The following JARID2 variants were observed in gnomAD, a reference collection of about 807,000 sequenced individuals.
JARID2 encodes jumonji and AT-rich interaction domain containing 2.
JARID2 carries 21 observed loss-of-function variants against 125.6 expected under a neutral mutation model. The ratio of observed to expected loss-of-function variants is 0.17; its 90% CI spans 0.12 to 0.24. The LOEUF (loss-of-function observed/expected upper bound fraction) is 0.24, where lower values mean the gene tolerates loss of function less well. Among genes scored for constraint, JARID2 ranks in the 10% least tolerant of loss-of-function variants. The pLI is 1.00. For synonymous variants in JARID2, 736 were observed against 661.6 expected (o/e 1.11, Z -1.73); for missense variants, 1,303 against 1,639.6 (o/e 0.79, Z 3.55).
intron 3 of JARID2, among the ~76,000 whole-genome samples, chr6:15,412,311 T>A (rs1765911823): frequency 6.6e-6 from 1 of 152,074 alleles, no homozygotes; most frequent in Non-Finnish European, 1.5e-5. Flanking sequence ...ATTTCTTTTT[T>A]TGGGGGGGTT....
intron 3 of JARID2, among the ~76,000 whole-genome samples, chr6:15,428,425 G>A (rs1470835097): frequency 2.0e-5 from 3 of 151,736 alleles, no homozygotes; most frequent in Admixed American, 6.6e-5. Context: ...CCACCCTCCC[G>A]CCACCCCACA....
chr6:15,270,105 C>T (rs1388340781), intron 1 of JARID2, among the ~76,000 whole-genome samples: 1 of 152,156 alleles, frequency 6.6e-6, no homozygotes, highest in Non-Finnish European at 1.5e-5. Flanking sequence ...TCGATCCTTC[C>T]TTCCTTCCTT....
At chr6:15,465,421 A>G (rs1768671384) in intron 4 of JARID2, among the ~76,000 whole-genome samples, 1 of 152,310 alleles carries the variant, frequency 6.6e-6, no homozygotes, top group East Asian at 1.9e-4. Context: ...ACTGCATTCC[A>G]GCCTGGGCGA....
At chr6:15,471,277 T>A (rs1189035123) in intron 5 of JARID2, among the ~76,000 whole-genome samples, 1 of 152,246 alleles carries the variant, frequency 6.6e-6, no homozygotes, top group Admixed American at 6.5e-5. Context: ...GAGCTGCTGC[T>A]TGAAGCCTCC....
At chr6:15,471,795 A>C (rs1373880754) in intron 5 of JARID2, among the ~76,000 whole-genome samples, 2 of 152,074 alleles carry the variant, frequency 1.3e-5, no homozygotes, top group African/African-American at 4.8e-5. Context: ...AAAGAAGGGG[A>C]TGGAATGAGG....
intron 1 of JARID2, among the ~76,000 whole-genome samples, chr6:15,372,746 GTCTCCCAGGCTGGAGTGAAGTGGCACGA>G (rs1764220262): frequency 6.6e-6 from 1 of 151,228 alleles, no homozygotes; most frequent in Admixed American, 6.6e-5. Context: ...GTCTCACTCT[GTCTCCCAGGCTGGAGTGAAGTGGCACGA>G]TCTCAGCTCA....
chr6:15,304,303 T>TC lies in JARID2; in HGVS notation c.45+57734dup, dbSNP rs61333394. On this transcript the variant is annotated intron_variant, in intron 1 of 17. Coordinates refer to ENST00000341776, the MANE Select transcript of JARID2 (RefSeq NM_004973.4). Reference sequence around the variant, plus strand: ...GTAGAGAATGGACATAATTTGCTGATCCCCCCCCCCCCCCCGCCCACCCAC... The same window carrying TC: ...GTAGAGAATGGACATAATTTGCTGATCCCCCCCCCCCCCCCCGCCCACCCAC... Among the ~76,000 whole-genome samples, 210 of 26,622 alleles carry TC rather than the reference T, an allele frequency of 7.9e-3. 2 individuals carry two copies. Among genetic ancestry groups the TC allele is most frequent in the South Asian group, 0.025 (15 of 602 alleles). 17.5% of individuals were successfully genotyped at this position (26,622 alleles called of 152,430 possible). A position where few individuals can be genotyped will look rare whatever the true frequency, so the allele number is the denominator to read the frequency against.
intron 4 of JARID2, among the ~76,000 whole-genome samples, chr6:15,452,497 C>G (rs929537699): frequency 6.6e-6 from 1 of 152,206 alleles, no homozygotes; most frequent in Admixed American, 6.5e-5. Context: ...GACACACACA[C>G]ATTGCTGACT....
intron 1 of JARID2, among the ~76,000 whole-genome samples, chr6:15,264,740 C>T (rs1048073927): frequency 1.3e-5 from 2 of 152,072 alleles, no homozygotes; most frequent in Non-Finnish European, 2.9e-5. Flanking sequence ...TGCCGGGCCG[C>T]TTTTATGTGG....
chr6:15,337,156 AC>A (rs1762906001), intron 1 of JARID2, among the ~76,000 whole-genome samples: 1 of 152,028 alleles, frequency 6.6e-6, no homozygotes, highest in Admixed American at 6.5e-5. Context: ...GCAGTTTTAA[AC>A]CACCCTAACT....
At chr6:15,420,759 G>C (rs1766450263) in intron 3 of JARID2, among the ~76,000 whole-genome samples, 3 of 152,164 alleles carry the variant, frequency 2.0e-5, no homozygotes, top group Admixed American at 2.0e-4. Context: ...TTCAAGCATG[G>C]TTAGGTAGGG....
chr6:15,520,737 G>A lies in JARID2; in HGVS notation c.*486G>A. On this transcript the variant is annotated 3_prime_UTR_variant, in exon 18 of 18. Coordinates refer to ENST00000341776, the MANE Select transcript of JARID2 (RefSeq NM_004973.4). ...TTGAAATGGCTTTGCTTTGGCTGTC[G>A]TCTTCTGCCGTGTGCCAGATGAGCT... The A allele has an allele frequency of 2.2e-6, 1 of 455,606 alleles. No individual in the cohort carries two copies. The highest frequency in any genetic ancestry group is 1.5e-5 in the South Asian group (1 of 64,542). 28.2% of individuals were successfully genotyped at this position (455,606 alleles called of 1,614,324 possible).
intron 1 of JARID2, among the ~76,000 whole-genome samples, chr6:15,290,829 CCAGT>C (rs1173805076): frequency 5.9e-5 from 9 of 152,282 alleles, no homozygotes; most frequent in Admixed American, 1.3e-4. Flanking sequence ...ACCATGTTAG[CCAGT>C]ATGGTCTCGA....
chr6:15,471,420 A>AAAAC (rs1769072047), intron 5 of JARID2, among the ~76,000 whole-genome samples: 1 of 152,350 alleles, frequency 6.6e-6, no homozygotes, highest in South Asian at 2.1e-4. Flanking sequence ...AAATATGAAC[A>AAAAC]AAACATGGAA....
rs548799494 is a variant in JARID2, at chr6:15,248,157, C to T, written c.45+1573C>T. ...TGGCTGGCGGCGGCTGCGGGAGGCA[C>T]GGCACGAGTTAATGCACCGGGAGCA... is the stretch of plus-strand genomic sequence containing the variant. On this transcript the variant is annotated intron_variant, in intron 1 of 17. Transcript: ENST00000341776. 4.0e-5 allele frequency: 36 copies of T among 892,832 alleles called. No individual in the cohort carries two copies. In the South Asian group the frequency reaches 1.8e-3, roughly 43 times the overall value. The allele number at this position is 892,832 out of a possible 1,614,324, so 55.3% of individuals were successfully genotyped here.
intron 5 of JARID2, among the ~76,000 whole-genome samples, chr6:15,480,874 C>T (rs1769580568): frequency 6.6e-6 from 1 of 152,140 alleles, no homozygotes; most frequent in African/African-American, 2.4e-5. Context: ...ATCAGTTTCT[C>T]ATAGGGCTGC....
At chr6:15,491,430 A>G (rs1250390093) in intron 6 of JARID2, among the ~76,000 whole-genome samples, 1 of 152,214 alleles carries the variant, frequency 6.6e-6, no homozygotes, top group African/African-American at 2.4e-5. Flanking sequence ...TGTCCAGTGC[A>G]TTTCGCTTCT....
At chr6:15,504,449 G>T in intron 8 of JARID2, 51 bp from the exon 9 acceptor site, 1 of 1,405,458 alleles carries the variant, frequency 7.1e-7, no homozygotes, top group South Asian at 1.2e-5. Flanking sequence ...CTCATTTGCA[G>T]TAGGGTTCAG....
At chr6:15,362,074 A>G (rs1300367299) in intron 1 of JARID2, among the ~76,000 whole-genome samples, 2 of 151,406 alleles carry the variant, frequency 1.3e-5, no homozygotes, top group Non-Finnish European at 2.9e-5. Context: ...TTGTATTTTT[A>G]GTGGGTTCCG....
Sources: allele counts gnomAD v4.1 joint callset (sites outside exome capture counted in the v4.1 genomes callset), GRCh38; gene constraint gnomAD v4.1.1; transcripts MANE v1.5; gene names NCBI Gene and HGNC (gene_info 2026-07-23, HGNC 2026-07-21).